LARP6: variants seen among roughly 807,000 people sequenced by gnomAD.
LARP6 encodes the protein La ribonucleoprotein 6, translational regulator.
Under a neutral mutation model 32.8 loss-of-function variants are expected in LARP6, and 18 were observed. The observed-to-expected ratio is 0.55, with a 90% CI of 0.38 to 0.81. The LOEUF (loss-of-function observed/expected upper bound fraction) is 0.81, where lower values mean the gene tolerates loss of function less well. Ranked by LOEUF, LARP6 falls within the 40% of genes least tolerant of loss-of-function variation. The pLI is 0.00. For missense variants in LARP6, 598 were observed against 663.1 expected, an observed-to-expected ratio of 0.90 and a Z score of 1.08; for synonymous variants, 289 against 267.2, an observed-to-expected ratio of 1.08 and a Z score of -0.80.
At chr15:70,843,847 G>A (rs2032300918) in intron 1 of LARP6, among the ~76,000 whole-genome samples, 2 of 151,184 alleles carry the variant, frequency 1.3e-5, no homozygotes, top group Non-Finnish European at 3.0e-5. Context: ...GTAGAGACAG[G>A]GTTTCACCGT....
chr15:70,834,027 C>G (rs2032103674), intron 2 of LARP6, among the ~76,000 whole-genome samples: 1 of 152,166 alleles, frequency 6.6e-6, no homozygotes, highest in East Asian at 1.9e-4. Context: ...TCATCCCAAA[C>G]AAATAGTGAA....
intron 1 of LARP6, among the ~76,000 whole-genome samples, chr15:70,843,564 T>C (rs2032294076): frequency 2.0e-5 from 3 of 152,106 alleles, no homozygotes; most frequent in Non-Finnish European, 4.4e-5. Context: ...GGGTCACTTA[T>C]GACTTATGTC....
chr15:70,850,870 A>G (rs1339207914), intron 1 of LARP6, among the ~76,000 whole-genome samples: 1 of 152,160 alleles, frequency 6.6e-6, no homozygotes, highest in East Asian at 1.9e-4. Flanking sequence ...AAAATGTGAG[A>G]CATTCAACAA....
At chr15:70,837,794 GGA>G (rs1289230235) in intron 1 of LARP6, among the ~76,000 whole-genome samples, 2 of 152,194 alleles carry the variant, frequency 1.3e-5, no homozygotes, top group African/African-American at 4.8e-5. Context: ...GCCAGCTCTA[GGA>G]GTCCTGGCTT....
rs2032017349 is a variant in LARP6 at position 70,830,323 on chromosome 15, T to C, written c.*1729A>G. On this transcript the variant is annotated 3_prime_UTR_variant, in exon 3 of 3. Coordinates refer to ENST00000299213, the MANE Select transcript of LARP6 (RefSeq NM_018357.4). Reference sequence around the variant, plus strand: ...CAAGTTTGGGATATTATTTTCCTACTTCAGCAGCTGCATGTGTGATACTGG... The same window carrying C: ...CAAGTTTGGGATATTATTTTCCTACCTCAGCAGCTGCATGTGTGATACTGG... 6.6e-6 allele frequency: 1 copy of C among 152,274 alleles called. No individual in the cohort carries two copies. The highest frequency in any genetic ancestry group is 2.1e-4 in the South Asian group (1 of 4,834). 9.4% of individuals were successfully genotyped at this position (152,274 alleles called of 1,614,324 possible).
Position 70,854,079 on chromosome 15 carries a change from A to C in LARP6, c.10T>G (p.Ser4Ala). Reference protein sequence around the residue: MAQSGGEARPGPKT... With the variant: MAQAGGEARPGPKT... ...GGCCCGGGCCGAGCCTCCCCGCCGG[A>C]CTGGGCCATGGCTCGCGGGACTGCG... Residue 4 changes from serine to alanine, a missense_variant, in exon 1 of 3, where the codon TCC becomes GCC. By Grantham distance (99) the Ser-to-Ala change is moderately conservative. Around this residue, in one of 3 missense-constraint regions of LARP6, gnomAD observed 161 missense variants for 148.6 expected, o/e 1.08. Coordinates refer to ENST00000299213, the MANE Select transcript of LARP6 (RefSeq NM_018357.4). 1 of 1,351,062 alleles carries C rather than the reference A, an allele frequency of 7.4e-7. No individual in the cohort carries two copies. The highest frequency in any genetic ancestry group is 9.6e-7 in the Non-Finnish European group (1 of 1,044,632). 83.7% of individuals were successfully genotyped at this position (1,351,062 alleles called of 1,614,324 possible).
intron 1 of LARP6, chr15:70,853,231 C>T (rs953452730): frequency 3.5e-5 from 5 of 143,294 alleles, no homozygotes; most frequent in South Asian, 2.4e-4. Flanking sequence ...CCCCGCCCCC[C>T]GCAAGGCAGC....
intron 1 of LARP6, among the ~76,000 whole-genome samples, chr15:70,844,407 C>T (rs138287210): frequency 2.0e-5 from 3 of 152,304 alleles, no homozygotes; most frequent in Admixed American, 2.0e-4. Context: ...TTCCATATTG[C>T]ATCAGATGTA....
chr15:70,840,262 G>A (rs1315125238), intron 1 of LARP6, among the ~76,000 whole-genome samples: 8 of 152,158 alleles, frequency 5.3e-5, no homozygotes, highest in South Asian at 4.1e-4. Context: ...GGTTGAGGCC[G>A]GGCGCGGTGG....
chr15:70,843,810 C>T (rs972537535), intron 1 of LARP6, among the ~76,000 whole-genome samples: 3 of 151,424 alleles, frequency 2.0e-5, no homozygotes, highest in African/African-American at 7.3e-5. Context: ...CGCACGCTGC[C>T]ACGCCCGGCT....
chr15:70,846,524 G>A (rs1403574947), intron 1 of LARP6, among the ~76,000 whole-genome samples: 2 of 152,066 alleles, frequency 1.3e-5, no homozygotes, highest in Non-Finnish European at 2.9e-5. Context: ...TGGGAGGATT[G>A]CTTGAGCCCA....
intron 1 of LARP6, 94 bp from the exon 2 acceptor site, chr15:70,836,599 G>A (rs549724634): frequency 1.8e-5 from 17 of 961,928 alleles, no homozygotes; most frequent in Non-Finnish European, 2.6e-5. Context: ...CAATACCTTG[G>A]AGTATGATGT....
At position 70,831,772 on chromosome 15, in the gene LARP6, A is replaced by C; in HGVS notation, c.*280T>G. On this transcript the variant is annotated 3_prime_UTR_variant, in exon 3 of 3. Transcript: ENST00000299213. ...CCAAAGAACAGACTTCCCCCAGGGA[A>C]CCTCCGTCCTACAGCCCTTCAGGGC... is the stretch of plus-strand genomic sequence containing the variant. 2 of 267,548 alleles carry C rather than the reference A, an allele frequency of 7.5e-6. No individual in the cohort carries two copies. Among genetic ancestry groups the C allele is most frequent in the Non-Finnish European group, 1.4e-5 (2 of 143,586 alleles). The allele number at this position is 267,548 out of a possible 1,614,324, so 16.6% of individuals were successfully genotyped here.
rs1320859485 is a variant in LARP6 at position 70,832,080 on chromosome 15, C to A, written c.1448G>T (p.Gly483Val). 1 of 1,534,620 alleles carries A rather than the reference C, an allele frequency of 6.5e-7. No homozygotes were observed. Among genetic ancestry groups the A allele is most frequent in the Middle Eastern group, 1.8e-4 (1 of 5,664 alleles). ...RGPDNTRGFHGHERSRACV is the reference protein window; with the variant it reads ...RGPDNTRGFHVHERSRACV ...TACACAGGCCCTGCTCCTCTCATGGCCATGAAATCCTCTGGTGTTGTCAGG... is the reference window on the plus strand; with the variant it reads ...TACACAGGCCCTGCTCCTCTCATGGACATGAAATCCTCTGGTGTTGTCAGG... The change falls in exon 3 of 3, where the codon GGC (glycine) becomes GTC (valine). Residue 483 changes from glycine to valine, a missense_variant. Gly to Val is a moderately radical substitution (Grantham distance 109, BLOSUM62 -3). Around this residue, in one of 3 missense-constraint regions of LARP6, gnomAD observed 368 missense variants for 397.9 expected, o/e 0.92. Coordinates refer to ENST00000299213, the MANE Select transcript of LARP6 (RefSeq NM_018357.4).
chr15:70,849,666 G>T (rs931527923), intron 1 of LARP6: 2 of 152,148 alleles, frequency 1.3e-5, no homozygotes, highest in Non-Finnish European at 2.9e-5. Context: ...CAGCTTCAAG[G>T]GGGTCTGCTG....
chr15:70,836,216 G>C, intron 2 of LARP6, 79 bp downstream of exon 2: 1 of 1,178,578 alleles, frequency 8.5e-7, no homozygotes, highest in South Asian at 1.3e-5. Flanking sequence ...GGTTTCAAGG[G>C]AGTTAAAAAA....
chr15:70,851,963 T>C, intron 1 of LARP6: 1 of 525,248 alleles, frequency 1.9e-6, no homozygotes, highest in Non-Finnish European at 3.4e-6. Flanking sequence ...GGGAACTAGC[T>C]GGAATCACGG....
chr15:70,846,799 C>T (rs1312951984), intron 1 of LARP6, among the ~76,000 whole-genome samples: 1 of 152,122 alleles, frequency 6.6e-6, no homozygotes, highest in Non-Finnish European at 1.5e-5. Flanking sequence ...CTGTAAGTGT[C>T]ACAAGCTTTC....
rs1466446904 is a variant in LARP6, at chr15:70,854,130, A to G, written c.-42T>C. The G allele has an allele frequency of 8.3e-7, 1 of 1,207,106 alleles. No individual in the cohort carries two copies. Among genetic ancestry groups the G allele is most frequent in the South Asian group, 3.8e-5 (1 of 26,350 alleles). The allele number at this position is 1,207,106 out of a possible 1,614,324, so 74.8% of individuals were successfully genotyped here. ...GCGCCGCCGGGGTCCTCACGCCGCA[A>G]GGCCCAGCCAGCCGGTCGGCAGCGA... On this transcript the variant is annotated 5_prime_UTR_variant, in exon 1 of 3. Transcript: ENST00000299213.
Sources: allele counts gnomAD v4.1 joint callset (sites outside exome capture counted in the v4.1 genomes callset), GRCh38; gene constraint gnomAD v4.1.1; regional missense constraint gnomAD v4.1.1; transcripts MANE v1.5; gene names NCBI Gene and HGNC (gene_info 2026-07-23, HGNC 2026-07-21).